The following BAIAP2L1 variants were observed in gnomAD, a reference collection of about 807,000 sequenced individuals.
The protein encoded by BAIAP2L1 is BAR/IMD domain containing adaptor protein 2 like 1.
A neutral mutation model predicts 66.3 loss-of-function variants in BAIAP2L1; 35 were observed. The observed-to-expected ratio is 0.53, with a 90% CI of 0.40 to 0.70. BAIAP2L1 has a LOEUF of 0.70. Ranked by LOEUF, BAIAP2L1 falls within the 30% of genes least tolerant of loss-of-function variation. The pLI, the probability that BAIAP2L1 is intolerant of heterozygous loss-of-function variation, is 0.00. For missense variants in BAIAP2L1, 622 were observed against 656.9 expected (o/e 0.95, Z 0.58); for synonymous variants, 269 against 248.7 (o/e 1.08, Z -0.77).
intron 1 of BAIAP2L1, among the ~76,000 whole-genome samples, chr7:98,363,884 CTT>C (rs1450746205): frequency 6.6e-6 from 1 of 152,156 alleles, no homozygotes; most frequent in Non-Finnish European, 1.5e-5. Context: ...TAGGACGACT[CTT>C]GTTTTTAATC....
In BAIAP2L1 at chr7:98,386,720, T is replaced by A. The variant is rs1623690; in HGVS notation, c.51+14082A>T. On this transcript the variant is annotated intron_variant, in intron 1 of 13. Transcript: ENST00000005260. ...TTTTTTTTTTTTTTTTTTTTTTTGG[T>A]GACAGAGTCTCGCTCTGTCGCCAGG... The A allele has an allele frequency of 1.6e-4, 108 of 657,192 alleles. No homozygotes were observed. In the African/African-American group the frequency reaches 2.1e-3, roughly 13 times the overall value. 40.7% of individuals were successfully genotyped at this position (657,192 alleles called of 1,614,324 possible).
chr7:98,344,700 CGA>C (rs1229658496), intron 3 of BAIAP2L1, among the ~76,000 whole-genome samples: 1 of 151,756 alleles, frequency 6.6e-6, no homozygotes, highest in Non-Finnish European at 1.5e-5. Flanking sequence ...TTTGGGAGGC[CGA>C]GGTGGGCGGA....
intron 1 of BAIAP2L1, among the ~76,000 whole-genome samples, chr7:98,364,276 C>G (rs935728235): frequency 1.3e-5 from 2 of 152,172 alleles, no homozygotes; most frequent in African/African-American, 4.8e-5. Flanking sequence ...GCCCCGCCAC[C>G]TTTGCTTAGT....
intron 1 of BAIAP2L1, among the ~76,000 whole-genome samples, chr7:98,379,327 C>G (rs1802705808): frequency 6.6e-6 from 1 of 152,200 alleles, no homozygotes; most frequent in Admixed American, 6.5e-5. Context: ...ACGGACGAAC[C>G]AGCTGCAGGC....
rs546668491 is a variant in BAIAP2L1 at position 98,385,955 on chromosome 7, C to T, written c.51+14847G>A. ...TTCTTCAGCATTTTTACTTTTCTAACGAAGACATCATGGAGAGGATAAATA... is the reference window on the plus strand; with the variant it reads ...TTCTTCAGCATTTTTACTTTTCTAATGAAGACATCATGGAGAGGATAAATA... On this transcript the variant is annotated intron_variant, in intron 1 of 13. Transcript: ENST00000005260. The T allele has an allele frequency of 3.0e-4, 447 of 1,472,200 alleles. 1 individual carries two copies. The African/African-American group carries it at 5.4e-3, about 18-fold the overall frequency. The allele number at this position is 1,472,200 out of a possible 1,614,324, so 91.2% of individuals were successfully genotyped here.
chr7:98,388,972 T>TAA lies in BAIAP2L1; in HGVS notation c.51+11828_51+11829dup, dbSNP rs530629720. Among the ~76,000 whole-genome samples the TAA allele has an allele frequency of 1.6e-3, 172 of 110,564 alleles. 1 individual carries two copies. The highest frequency in any genetic ancestry group is 4.4e-3 in the African/African-American group (153 of 34,974). 72.5% of individuals were successfully genotyped at this position (110,564 alleles called of 152,430 possible). On this transcript the variant is annotated intron_variant, in intron 1 of 13. Transcript: ENST00000005260. ...CTGGACAACAGAGACCCTAAGAAAT[T>TAA]AAAAAAAAAAAACAAAAAACAAACC...
chr7:98,314,129 G>C (rs980483182), intron 7 of BAIAP2L1, among the ~76,000 whole-genome samples: 2 of 151,646 alleles, frequency 1.3e-5, no homozygotes, highest in Non-Finnish European at 2.9e-5. Flanking sequence ...GGGATTACAG[G>C]TGCTCACCAC....
intron 4 of BAIAP2L1, 28 bp downstream of exon 4, chr7:98,320,209 T>G: frequency 6.3e-7 from 1 of 1,595,114 alleles, no homozygotes; most frequent in Non-Finnish European, 8.6e-7. Context: ...ATGAGTGTAT[T>G]TTGTAAATAG....
At chr7:98,345,239 T>G (rs186264897) in intron 3 of BAIAP2L1, among the ~76,000 whole-genome samples, 2 of 152,318 alleles carry the variant, frequency 1.3e-5, no homozygotes, top group East Asian at 1.9e-4. Context: ...GAATCCTTCA[T>G]GAACGGCCAT....
intron 12 of BAIAP2L1, among the ~76,000 whole-genome samples, chr7:98,295,259 T>G (rs6969731): frequency 0.4 from 61,310 of 152,056 alleles, 13,473 homozygotes; most frequent in Middle Eastern, 0.54. Flanking sequence ...CGGAAGGCAG[T>G]TTGGGAGCCC....
At chr7:98,299,445 A>G (rs1308692892) in intron 12 of BAIAP2L1, among the ~76,000 whole-genome samples, 1 of 152,208 alleles carries the variant, frequency 6.6e-6, no homozygotes, top group Non-Finnish European at 1.5e-5. Flanking sequence ...GGTGTGAGCC[A>G]CCGTGCCCGG....
chr7:98,314,766 CCCAGGT>C (rs1359399626), intron 7 of BAIAP2L1, among the ~76,000 whole-genome samples: 1 of 152,152 alleles, frequency 6.6e-6, no homozygotes, highest in Non-Finnish European at 1.5e-5. Flanking sequence ...TCTCAAATCG[CCCAGGT>C]GGGGTAGACC....
At chr7:98,319,984 G>A (rs1801198816) in intron 5 of BAIAP2L1, 74 bp downstream of exon 5, 2 of 1,218,896 alleles carry the variant, frequency 1.6e-6, no homozygotes, top group Non-Finnish European at 2.4e-6. Flanking sequence ...TGAGTCAACA[G>A]TGGGAACGAG....
At chr7:98,327,794 CT>C (rs35625269) in intron 3 of BAIAP2L1, among the ~76,000 whole-genome samples, 1 of 152,140 alleles carries the variant, frequency 6.6e-6, no homozygotes, top group Non-Finnish European at 1.5e-5. Flanking sequence ...TTACTTATTT[CT>C]TTTTAGAGAG....
At chr7:98,320,778 C>T (rs926223219) in intron 3 of BAIAP2L1, among the ~76,000 whole-genome samples, 4 of 152,220 alleles carry the variant, frequency 2.6e-5, no homozygotes, top group Non-Finnish European at 5.9e-5. Flanking sequence ...CAGGGGGACA[C>T]AGCTGAGAGC....
At chr7:98,387,867 T>TCAAAA (rs1266785349) in intron 1 of BAIAP2L1, among the ~76,000 whole-genome samples, 1 of 145,480 alleles carries the variant, frequency 6.9e-6, no homozygotes, top group South Asian at 2.2e-4. Flanking sequence ...AGACCCTGTC[T>TCAAAA]CAAAACAAAA....
At chr7:98,334,066 A>T (rs889629446) in intron 3 of BAIAP2L1, among the ~76,000 whole-genome samples, 4 of 152,052 alleles carry the variant, frequency 2.6e-5, no homozygotes, top group Non-Finnish European at 4.4e-5. Flanking sequence ...ACATTTCTAA[A>T]CTTCCCGGGG....
chr7:98,339,158 C>T lies in BAIAP2L1; in HGVS notation c.214+15884G>A, dbSNP rs369383156. On this transcript the variant is annotated intron_variant, in intron 3 of 13. Coordinates refer to ENST00000005260, the MANE Select transcript of BAIAP2L1 (RefSeq NM_018842.5). ...GTCTAGAATGGAATCCTTGGTCATA[C>T]GGTAATTCTATGCTTGAGTTTTAAG... Among the ~76,000 whole-genome samples, 188 of 151,708 alleles carry T rather than the reference C, an allele frequency of 1.2e-3. 1 individual carries two copies. The highest frequency in any genetic ancestry group is 4.2e-3 in the African/African-American group (172 of 41,358).
Position 98,301,519 on chromosome 7 carries a change from G to A in BAIAP2L1, c.1422+2677C>T, listed in dbSNP as rs1254634639. Among the ~76,000 whole-genome samples, 5 of 149,280 alleles carry A rather than the reference G, an allele frequency of 3.3e-5. No individual in the cohort carries two copies. The South Asian group carries it at 8.4e-4, about 25-fold the overall frequency. ...TTTTAAGTGGAGACGGGATTTCACC[G>A]TGTTAGCCAGGATGGTTTTGATCTC... On this transcript the variant is annotated intron_variant, in intron 12 of 13. Transcript: ENST00000005260.
Sources: gnomAD v4.1 joint callset for allele counts (sites outside exome capture counted in the v4.1 genomes callset) on GRCh38, gnomAD v4.1.1 for gene constraint, MANE v1.5 for transcripts, NCBI Gene and HGNC (gene_info 2026-07-23, HGNC 2026-07-21) for gene names.